PRIM2: variants seen among roughly 807,000 people sequenced by gnomAD.
The protein encoded by PRIM2 is DNA primase large subunit.
In PRIM2, 39 loss-of-function variants were observed where a neutral mutation model predicts 67.3. The ratio of observed to expected loss-of-function variants is 0.58; its 90% CI spans 0.45 to 0.76. The LOEUF is 0.76. Among genes scored for constraint, PRIM2 ranks in the 30% least tolerant of loss-of-function variants. The pLI is 0.00. For synonymous variants in PRIM2, 143 were observed against 198.7 expected, an observed-to-expected ratio of 0.72 and a Z score of 2.36; for missense variants, 398 against 598.7, an observed-to-expected ratio of 0.66 and a Z score of 3.50.
chr6:57,372,972 A>T (rs1487410963), intron 5 of PRIM2, among the ~76,000 whole-genome samples: 1 of 152,216 alleles, frequency 6.6e-6, no homozygotes, highest in South Asian at 2.1e-4. Flanking sequence ...CTTTGGGTAT[A>T]TACCCGGTAA....
chr6:57,494,969 T>C (rs1773973300), intron 7 of PRIM2, among the ~76,000 whole-genome samples: 1 of 152,238 alleles, frequency 6.6e-6, no homozygotes, highest in African/African-American at 2.4e-5. Context: ...GTATTGATTT[T>C]TCTGTGTTAG....
intron 5 of PRIM2, among the ~76,000 whole-genome samples, chr6:57,336,474 C>G (rs914971339): frequency 2.0e-5 from 3 of 152,172 alleles, no homozygotes; most frequent in African/African-American, 7.2e-5. Context: ...GTTGGGTTAC[C>G]CTCAAAGGGA....
At chr6:57,492,282 C>T (rs2127410533) in intron 7 of PRIM2, among the ~76,000 whole-genome samples, 2 of 152,286 alleles carry the variant, frequency 1.3e-5, no homozygotes, top group Admixed American at 1.3e-4. Flanking sequence ...TGATCTCACA[C>T]CTGTAATCCC....
chr6:57,244,268 C>A, the PRIM2 span, among the ~76,000 whole-genome samples: 8 of 152,162 alleles, frequency 5.3e-5, no homozygotes, highest in Admixed American at 1.3e-4. Flanking sequence ...CTTTGTTTAA[C>A]GAAATGCACC....
intron 7 of PRIM2, among the ~76,000 whole-genome samples, chr6:57,415,408 C>A (rs1771227608): frequency 6.6e-6 from 1 of 152,132 alleles, no homozygotes; most frequent in Non-Finnish European, 1.5e-5. Flanking sequence ...ATACTGTAGT[C>A]TATTAAGAAT....
chr6:57,275,926 G>A, the PRIM2 span, among the ~76,000 whole-genome samples: 1 of 152,114 alleles, frequency 6.6e-6, no homozygotes, highest in Non-Finnish European at 1.5e-5. Flanking sequence ...GTAGCAAAAT[G>A]AATTAATCAG....
chr6:57,318,799 C>G (rs1262919338), intron 2 of PRIM2, among the ~76,000 whole-genome samples, 200 bp downstream of exon 2: 2 of 151,942 alleles, frequency 1.3e-5, no homozygotes, highest in African/African-American at 4.8e-5. Flanking sequence ...ATTTATTGTA[C>G]AATGCATATT....
chr6:57,543,186 G>T (rs1385510702), intron 10 of PRIM2, among the ~76,000 whole-genome samples: 25 of 151,634 alleles, frequency 1.6e-4, no homozygotes, highest in African/African-American at 5.8e-4. Context: ...TGATCCGCCC[G>T]CCTCGGCCTC....
intron 5 of PRIM2, among the ~76,000 whole-genome samples, chr6:57,345,691 CGTAGA>C (rs1248728201): frequency 6.6e-6 from 1 of 151,752 alleles, no homozygotes; most frequent in African/African-American, 2.4e-5. Context: ...GGGATGAGTC[CGTAGA>C]GTAAAGTGAA....
At chr6:57,463,452 AC>A in intron 7 of PRIM2, among the ~76,000 whole-genome samples, 1 of 152,276 alleles carries the variant, frequency 6.6e-6, no homozygotes, top group Non-Finnish European at 1.5e-5. Context: ...TGATTATACT[AC>A]TGCAGCCCAG....
Position 57,599,022 on chromosome 6 carries a change from C to G in PRIM2, c.1021-2071C>G, listed in dbSNP as rs1459185332. Among the ~76,000 whole-genome samples, 2 of 53,392 alleles carry G rather than the reference C, an allele frequency of 3.7e-5. 1 individual carries two copies. The highest frequency in any genetic ancestry group is 6.6e-5 in the Non-Finnish European group (2 of 30,406). The allele number at this position is 53,392 out of a possible 152,430, so 35.0% of individuals were successfully genotyped here. On this transcript the variant is annotated intron_variant, in intron 10 of 13. Transcript: ENST00000615550. Reference sequence around the variant, plus strand: ...AGTGCAGTGGCGCGATCTCGGCTCACTGCAAGCTCCGCCTCCCGGGTTCAC... The same window carrying G: ...AGTGCAGTGGCGCGATCTCGGCTCAGTGCAAGCTCCGCCTCCCGGGTTCAC...
the PRIM2 span, among the ~76,000 whole-genome samples, chr6:57,252,163 T>A: frequency 6.6e-6 from 1 of 152,252 alleles, no homozygotes; most frequent in Non-Finnish European, 1.5e-5. Flanking sequence ...CAGGAATACT[T>A]TCATGTTTAC....
the PRIM2 span, among the ~76,000 whole-genome samples, chr6:57,276,074 G>T: frequency 6.6e-6 from 1 of 152,154 alleles, no homozygotes; most frequent in Admixed American, 6.5e-5. Context: ...TAGCATGCTA[G>T]AATATTATAT....
chr6:57,624,952 A>G (rs1420888566), intron 12 of PRIM2, among the ~76,000 whole-genome samples: 1 of 152,198 alleles, frequency 6.6e-6, no homozygotes, highest in Non-Finnish European at 1.5e-5. Flanking sequence ...GACAAGAGAG[A>G]CAATGAGATC....
chr6:57,621,257 A>G (rs1339733902), intron 12 of PRIM2, among the ~76,000 whole-genome samples: 4 of 152,216 alleles, frequency 2.6e-5, no homozygotes, highest in African/African-American at 7.2e-5. Context: ...CAGAAGGACA[A>G]GAGAACAAGC....
chr6:57,455,414 G>C (rs1319753852), intron 7 of PRIM2, among the ~76,000 whole-genome samples: 3 of 152,118 alleles, frequency 2.0e-5, no homozygotes, highest in Non-Finnish European at 2.9e-5. Context: ...TTATTGTGTG[G>C]TAGTCTAAGT....
intron 7 of PRIM2, among the ~76,000 whole-genome samples, chr6:57,439,076 T>A (rs1772109329): frequency 6.6e-6 from 1 of 152,170 alleles, no homozygotes; most frequent in Admixed American, 6.5e-5. Context: ...TATTGGGTTT[T>A]TGAGGAGTTC....
chr6:57,626,803 T>C lies in PRIM2; in HGVS notation c.1231-5330T>C, dbSNP rs1453704504. Among the ~76,000 whole-genome samples, 435 of 152,120 alleles carry C rather than the reference T, an allele frequency of 2.9e-3. 2 individuals are homozygous for C. Among genetic ancestry groups the C allele is most frequent in the African/African-American group, 9.8e-3 (407 of 41,518 alleles). ...CCATGCCTGGTTAATTTTTTGTATT[T>C]TTATTAGAGACAGGGTTTCTCTGTG... On this transcript the variant is annotated intron_variant, in intron 12 of 13. Coordinates refer to ENST00000615550, the MANE Select transcript of PRIM2 (RefSeq NM_000947.5).
intron 10 of PRIM2, among the ~76,000 whole-genome samples, chr6:57,593,421 G>A (rs1776316329): frequency 6.6e-6 from 1 of 151,666 alleles, no homozygotes; most frequent in South Asian, 2.1e-4. Flanking sequence ...TCTTGCCTTA[G>A]CCTCCTGAGT....
Sources: gnomAD v4.1 joint callset for allele counts (sites outside exome capture counted in the v4.1 genomes callset) on GRCh38, gnomAD v4.1.1 for gene constraint, MANE v1.5 for transcripts, NCBI Gene and HGNC (gene_info 2026-07-23, HGNC 2026-07-21) for gene names.